The following PTPRD variants were observed in gnomAD, a reference collection of about 807,000 sequenced individuals.
PTPRD encodes receptor-type tyrosine-protein phosphatase delta.
Under a neutral mutation model 214.5 loss-of-function variants are expected in PTPRD, and 34 were observed. The ratio of observed to expected loss-of-function variants is 0.16; its 90% confidence interval spans 0.12 to 0.21. The LOEUF is 0.21. PTPRD is among the 10% of genes least tolerant of loss of function. PTPRD has a pLI of 1.00. For missense variants in PTPRD, 2,545 were observed against 2,398.7 expected, an observed-to-expected ratio of 1.06 and a Z score of -1.27; for synonymous variants, 1,128 against 845.7, an observed-to-expected ratio of 1.33 and a Z score of -5.79.
At chr9:9,848,236 A>AT (rs1012175665) in intron 5 of PTPRD, among the ~76,000 whole-genome samples, 4 of 152,116 alleles carry the variant, frequency 2.6e-5, no homozygotes, top group Non-Finnish European at 4.4e-5. Context: ...AAAGCCACAG[A>AT]TTCCCCAGTA....
At chr9:10,410,067 A>G (rs534834901) in intron 2 of PTPRD, among the ~76,000 whole-genome samples, 1 of 151,724 alleles carries the variant, frequency 6.6e-6, no homozygotes, top group South Asian at 2.1e-4. Context: ...ATTTGGAATA[A>G]TTATATAGCA....
At chr9:10,231,981 A>AGTGTGT (rs1259734289) in intron 3 of PTPRD, among the ~76,000 whole-genome samples, 76 of 102,462 alleles carry the variant, frequency 7.4e-4, no homozygotes, top group Admixed American at 2.6e-3. Context: ...AGAGAGAGAG[A>AGTGTGT]GAGAGAGAGT....
intron 8 of PTPRD, among the ~76,000 whole-genome samples, chr9:9,407,249 C>T (rs1261007308): frequency 6.6e-6 from 1 of 151,654 alleles, no homozygotes; most frequent in African/African-American, 2.4e-5. Flanking sequence ...ACCATGATGA[C>T]ATCATATATG....
chr9:8,905,514 G>A (rs927656942), intron 11 of PTPRD, among the ~76,000 whole-genome samples: 6 of 151,778 alleles, frequency 4.0e-5, no homozygotes, highest in East Asian at 3.9e-4. Flanking sequence ...TGAGGCGGGC[G>A]GATTACCTGA....
At chr9:10,213,209 T>G (rs2099525086) in intron 3 of PTPRD, among the ~76,000 whole-genome samples, 1 of 152,174 alleles carries the variant, frequency 6.6e-6, no homozygotes, top group South Asian at 2.1e-4. Context: ...GATTTGTTTT[T>G]ACTTATATTT....
At chr9:10,547,454 G>A (rs1482217612) in intron 2 of PTPRD, among the ~76,000 whole-genome samples, 1 of 151,810 alleles carries the variant, frequency 6.6e-6, no homozygotes, top group Non-Finnish European at 1.5e-5. Flanking sequence ...TTAGTCTTTT[G>A]ATACCTTCTC....
In PTPRD at chr9:10,127,387, C is replaced by G. The variant is rs117842954; in HGVS notation, c.-544-93597G>C. ...TTCAATAAAGCACTTCATAATTCTA[C>G]AAATTGAATTAATATTCTTTAGGAT... On this transcript the variant is annotated intron_variant, in intron 3 of 45. Coordinates refer to ENST00000381196, the MANE Select transcript of PTPRD (RefSeq NM_002839.4). 2.3e-3 allele frequency among the ~76,000 whole-genome samples: 353 copies of G among 152,264 alleles called. 12 individuals carry two copies. In the East Asian group the frequency reaches 0.059, roughly 25 times the overall value.
chr9:9,101,135 G>C (rs1044250538), intron 10 of PTPRD, among the ~76,000 whole-genome samples: 2 of 151,570 alleles, frequency 1.3e-5, no homozygotes, highest in Non-Finnish European at 2.9e-5. Flanking sequence ...CAGGAGACCA[G>C]AAGCTTTAGC....
intron 2 of PTPRD, among the ~76,000 whole-genome samples, chr9:10,423,677 G>T (rs1326391219): frequency 6.6e-6 from 1 of 151,900 alleles, no homozygotes; most frequent in Non-Finnish European, 1.5e-5. Context: ...TTAATGCAGA[G>T]ACATAGCAAT....
rs116573311 is a variant in PTPRD at position 9,026,484 on chromosome 9, G to A, written c.-142-7749C>T. On this transcript the variant is annotated intron_variant, in intron 10 of 45. Coordinates refer to ENST00000381196, the MANE Select transcript of PTPRD (RefSeq NM_002839.4). ...TATCTGTTAGACAGTTTAAGAAACT[G>A]GGTCTTTCTTTGTCTAAATGTGACA... Among the ~76,000 whole-genome samples, 587 of 152,076 alleles carry A rather than the reference G, an allele frequency of 3.9e-3. 4 individuals carry two copies. Among genetic ancestry groups the A allele is most frequent in the African/African-American group, 0.013 (550 of 41,532 alleles).
chr9:9,889,525 A>G (rs1189736659), intron 5 of PTPRD, among the ~76,000 whole-genome samples: 1 of 152,180 alleles, frequency 6.6e-6, no homozygotes, highest in African/African-American at 2.4e-5. Flanking sequence ...TTATGAGCCC[A>G]GAGAACACCA....
At chr9:9,204,940 C>T (rs2099943957) in intron 9 of PTPRD, among the ~76,000 whole-genome samples, 2 of 152,036 alleles carry the variant, frequency 1.3e-5, no homozygotes, top group Non-Finnish European at 1.5e-5. Context: ...GATACACTTC[C>T]TCAAGTATCT....
At chr9:9,141,947 G>A (rs556263690) in intron 10 of PTPRD, among the ~76,000 whole-genome samples, 1 of 152,270 alleles carries the variant, frequency 6.6e-6, no homozygotes, top group African/African-American at 2.4e-5. Context: ...CTACCAGAGA[G>A]CAATAATAAT....
chr9:10,229,916 A>G lies in PTPRD; in HGVS notation c.-545+111047T>C, dbSNP rs1172714921. Among the ~76,000 whole-genome samples the G allele has an allele frequency of 2.0e-5, 3 of 152,174 alleles. No individual in the cohort carries two copies. The East Asian group carries it at 5.8e-4, about 30-fold the overall frequency. ...TAAGACAAAGATCCTTTTTAATTCC[A>G]CTTCACAAGCTTATATTAAAGAACA... On this transcript the variant is annotated intron_variant, in intron 3 of 45. Coordinates refer to ENST00000381196, the MANE Select transcript of PTPRD (RefSeq NM_002839.4).
intron 2 of PTPRD, among the ~76,000 whole-genome samples, chr9:10,526,267 T>A (rs1403678812): frequency 6.6e-6 from 1 of 152,054 alleles, no homozygotes; most frequent in African/African-American, 2.4e-5. Context: ...AAGGAGAAAA[T>A]CATGTACTCT....
chr9:8,921,923 G>A (rs2154270519), intron 11 of PTPRD, among the ~76,000 whole-genome samples: 1 of 152,184 alleles, frequency 6.6e-6, no homozygotes, highest in African/African-American at 2.4e-5. Flanking sequence ...ATCTAAAACT[G>A]GACACAGAAG....
chr9:9,754,801 T>C (rs569126665), intron 6 of PTPRD, among the ~76,000 whole-genome samples: 1 of 152,068 alleles, frequency 6.6e-6, no homozygotes. Flanking sequence ...GCCTATGTGA[T>C]TGGTATGCTG....
chr9:10,037,580 G>GAAA lies in PTPRD; in HGVS notation c.-544-3793_-544-3791dup, dbSNP rs376794277. ...TCTTGAGTATTTCTTTATAGCAGTG[G>GAAA]AAAAAAAAAAAAAAAAAAACAAGCT... On this transcript the variant is annotated intron_variant, in intron 3 of 45. Transcript: ENST00000381196. Among the ~76,000 whole-genome samples, 24 of 83,130 alleles carry GAAA rather than the reference G, an allele frequency of 2.9e-4. No homozygotes were observed. The South Asian group carries it at 4.7e-3, about 16-fold the overall frequency. The allele number at this position is 83,130 out of a possible 152,430, so 54.5% of individuals were successfully genotyped here. A position where few individuals can be genotyped will look rare whatever the true frequency, so the allele number is the denominator to read the frequency against.
At chr9:10,121,026 T>C (rs1031720542) in intron 3 of PTPRD, among the ~76,000 whole-genome samples, 1 of 152,162 alleles carries the variant, frequency 6.6e-6, no homozygotes, top group Non-Finnish European at 1.5e-5. Flanking sequence ...CTAAATAGGG[T>C]TGTAGAATTG....
Sources: gnomAD v4.1 joint callset for allele counts (sites outside exome capture counted in the v4.1 genomes callset) on GRCh38, gnomAD v4.1.1 for gene constraint, MANE v1.5 for transcripts, NCBI Gene and HGNC (gene_info 2026-07-23, HGNC 2026-07-21) for gene names.